The following SUCO variants were observed in gnomAD, a reference collection of about 807,000 sequenced individuals.
SUCO encodes the protein SUN domain-containing ossification factor.
A neutral mutation model predicts 148.1 loss-of-function variants in SUCO; 57 were observed. That is an observed-to-expected ratio of 0.38 (90% confidence interval 0.31 to 0.48). SUCO has a LOEUF of 0.48. Among genes scored for constraint, SUCO ranks in the 20% least tolerant of loss-of-function variants. The probability of loss-of-function intolerance (pLI) is 0.96; values close to 1 mark genes in which losing one functional copy is unlikely to be tolerated. For missense variants in SUCO, 1,331 were observed against 1,468.2 expected (o/e 0.91, Z 1.53); for synonymous variants, 470 against 502.7 (o/e 0.93, Z 0.87).
At chr1:172,600,691 ATT>A in intron 20 of SUCO, among the ~76,000 whole-genome samples, 1 of 107,324 alleles carries the variant, frequency 9.3e-6, no homozygotes, top group Non-Finnish European at 1.8e-5. Flanking sequence ...TATGAAGAAA[ATT>A]AAATGTGTGT....
At chr1:172,535,227 T>C (rs772505456) in intron 1 of SUCO, among the ~76,000 whole-genome samples, 1 of 152,224 alleles carries the variant, frequency 6.6e-6, no homozygotes, top group Non-Finnish European at 1.5e-5. Flanking sequence ...TTTTAACTCC[T>C]AGTGAGGAAA....
At chr1:172,580,045 A>C (rs1343004046) in intron 15 of SUCO, among the ~76,000 whole-genome samples, 1 of 152,152 alleles carries the variant, frequency 6.6e-6, no homozygotes, top group Admixed American at 6.5e-5. Context: ...GTGAACATTG[A>C]CTTTGTAAGT....
chr1:172,555,766 A>G, intron 3 of SUCO, 103 bp from the exon 4 acceptor site: 1 of 926,706 alleles, frequency 1.1e-6, no homozygotes. Flanking sequence ...AACATTGTTT[A>G]TATTGTCATT....
chr1:172,554,668 C>T (rs553098224), intron 3 of SUCO, among the ~76,000 whole-genome samples: 121 of 148,238 alleles, frequency 8.2e-4, no homozygotes, highest in African/African-American at 2.8e-3. Context: ...ACCCAGGAGG[C>T]GGAGGTTGCA....
In SUCO at chr1:172,568,899, A is replaced by C. The variant is rs1402548479; in HGVS notation, c.733-120A>C. ...CTTTTTACGTTTTTTATTTTTTCAA[A>C]ATATAATCATTCATTATAAATTGGA... On this transcript the variant is annotated intron_variant, in intron 6 of 23. Transcript: ENST00000263688. 1.5e-5 allele frequency: 15 copies of C among 970,988 alleles called. 1 individual carries two copies. In the Admixed American group the frequency reaches 5.2e-4, roughly 34 times the overall value. 60.1% of individuals were successfully genotyped at this position (970,988 alleles called of 1,614,324 possible). A position where few individuals can be genotyped will look rare whatever the true frequency, so the allele number is the denominator to read the frequency against.
At chr1:172,557,254 AT>A in intron 4 of SUCO, 25 bp from the exon 5 acceptor site, 4 of 1,607,356 alleles carry the variant, frequency 2.5e-6, no homozygotes, top group Non-Finnish European at 3.4e-6. Context: ...TAATTACCAG[AT>A]TATGTTTCTT....
intron 6 of SUCO, among the ~76,000 whole-genome samples, chr1:172,562,472 C>T (rs1387583029): frequency 6.6e-6 from 1 of 152,032 alleles, no homozygotes; most frequent in Non-Finnish European, 1.5e-5. Flanking sequence ...GCTGGGACTA[C>T]AGGCGTGCAC....
At chr1:172,592,985 T>A (rs1248723055) in intron 19 of SUCO, among the ~76,000 whole-genome samples, 1 of 152,220 alleles carries the variant, frequency 6.6e-6, no homozygotes, top group African/African-American at 2.4e-5. Flanking sequence ...GAAGAGTTCC[T>A]TCACATCCCT....
chr1:172,609,372 A>T, intron 23 of SUCO: 1 of 977,248 alleles, frequency 1.0e-6, no homozygotes, highest in Non-Finnish European at 1.2e-6. Context: ...GTAGGCAAAT[A>T]GCCTAAGATT....
chr1:172,610,480 C>T lies in SUCO; in HGVS notation c.*221C>T. 9.3e-6 allele frequency: 5 copies of T among 535,032 alleles called. No individual in the cohort carries two copies. The highest frequency in any genetic ancestry group is 1.4e-5 in the Non-Finnish European group (5 of 350,984). The allele number at this position is 535,032 out of a possible 1,614,324, so 33.1% of individuals were successfully genotyped here. On this transcript the variant is annotated 3_prime_UTR_variant, in exon 24 of 24. Coordinates refer to ENST00000263688, the MANE Select transcript of SUCO (RefSeq NM_014283.5). ...CACTTCCTATAAGGACAATGGTAGA[C>T]ATTTTATAAAGATGTTTTTTCACAA... is the stretch of plus-strand genomic sequence containing the variant.
In SUCO at chr1:172,588,863, G is replaced by A. The variant is rs373930960; in HGVS notation, c.1762G>A (p.Ala588Thr). ...GTTAGTTCAAGAGGAGGAAGAGGAGGCAAGTCCATCTACAGTGACCCTTCT... is the reference window on the plus strand; with the variant it reads ...GTTAGTTCAAGAGGAGGAAGAGGAGACAAGTCCATCTACAGTGACCCTTCT... ...VQLVQEEEEEASPSTVTLLGS... is the reference protein window; with the variant it reads ...VQLVQEEEEETSPSTVTLLGS... Residue 588 changes from alanine (A) to threonine (T), a missense_variant, in exon 18 of 24, where the codon GCA becomes ACA. Physicochemically the swap from Ala to Thr is moderately conservative, Grantham distance 58. This residue lies in a region of SUCO where 992 missense variants were observed against 1,093.5 expected (regional missense o/e 0.91). Transcript: ENST00000263688. 74 of 1,613,028 alleles carry A rather than the reference G, an allele frequency of 4.6e-5. No homozygotes were observed. The highest frequency in any genetic ancestry group is 5.9e-5 in the Non-Finnish European group (70 of 1,179,584).
At chr1:172,548,208 T>C (rs1181274703) in intron 1 of SUCO, among the ~76,000 whole-genome samples, 3 of 151,884 alleles carry the variant, frequency 2.0e-5, no homozygotes, top group Non-Finnish European at 2.9e-5. Context: ...TTCTCCTGTT[T>C]TCAAATATAT....
At chr1:172,562,428 G>T (rs1571215018) in intron 6 of SUCO, among the ~76,000 whole-genome samples, 1 of 151,414 alleles carries the variant, frequency 6.6e-6, no homozygotes, top group East Asian at 1.9e-4. Flanking sequence ...CCGCCTCCCG[G>T]GTTCAAGTGA....
At chr1:172,572,476 T>C (rs1655103166) in intron 9 of SUCO, among the ~76,000 whole-genome samples, 1 of 151,920 alleles carries the variant, frequency 6.6e-6, no homozygotes, top group Non-Finnish European at 1.5e-5. Flanking sequence ...CAAGATGTGC[T>C]TTGTTAAACA....
At chr1:172,573,322 G>A (rs1275343364) in intron 9 of SUCO, among the ~76,000 whole-genome samples, 1 of 152,112 alleles carries the variant, frequency 6.6e-6, no homozygotes, top group Non-Finnish European at 1.5e-5. Context: ...TCTGGTACCA[G>A]TTTTAATGGC....
At chr1:172,597,665 C>T (rs1033388946) in intron 19 of SUCO, among the ~76,000 whole-genome samples, 1 of 152,034 alleles carries the variant, frequency 6.6e-6, no homozygotes, top group African/African-American at 2.4e-5. Flanking sequence ...GTAATTATGA[C>T]CGTTCCCCTA....
At chr1:172,543,395 C>T (rs1553269325) in intron 1 of SUCO, among the ~76,000 whole-genome samples, 1 of 152,150 alleles carries the variant, frequency 6.6e-6, no homozygotes, top group Non-Finnish European at 1.5e-5. Context: ...AGGCTAAATA[C>T]ACTGTACCCA....
rs371495312 is a variant in SUCO, at chr1:172,575,699, T to G, written c.1263+76T>G. On this transcript the variant is annotated intron_variant, in intron 11 of 23. Coordinates refer to ENST00000263688, the MANE Select transcript of SUCO (RefSeq NM_014283.5). Reference sequence around the variant, plus strand: ...ATTCACACTTTATACACCTCATCTTTTTAGAAATCAGAAAAGTTAAGAAAT... The same window carrying G: ...ATTCACACTTTATACACCTCATCTTGTTAGAAATCAGAAAAGTTAAGAAAT... 6.5e-4 allele frequency: 640 copies of G among 981,160 alleles called. 10 individuals carry two copies. The South Asian group carries it at 8.9e-3, about 14-fold the overall frequency. The allele number at this position is 981,160 out of a possible 1,614,324, so 60.8% of individuals were successfully genotyped here. A position where few individuals can be genotyped will look rare whatever the true frequency, so the allele number is the denominator to read the frequency against.
intron 1 of SUCO, among the ~76,000 whole-genome samples, chr1:172,536,873 G>A (rs188164145): frequency 6.6e-6 from 1 of 152,196 alleles, no homozygotes; most frequent in Admixed American, 6.5e-5. Context: ...ACTAATGACT[G>A]GTCCTCCTGC....
Sources: allele counts gnomAD v4.1 joint callset (sites outside exome capture counted in the v4.1 genomes callset), GRCh38; gene constraint gnomAD v4.1.1; regional missense constraint gnomAD v4.1.1; transcripts MANE v1.5; gene names NCBI Gene and HGNC (gene_info 2026-07-23, HGNC 2026-07-21).